The following LUZP2 variants were observed in gnomAD, a reference collection of about 807,000 sequenced individuals.
LUZP2 encodes leucine zipper protein 2.
Under a neutral mutation model 51.6 loss-of-function variants are expected in LUZP2, and 52 were observed. That is an observed-to-expected ratio of 1.01 (90% CI 0.81 to 1.27). LUZP2 has a LOEUF of 1.27. Ranked by LOEUF, LUZP2 falls within the 50% of genes most tolerant of loss-of-function variation. The pLI is 0.00. For synonymous variants in LUZP2, 154 were observed against 137.3 expected (o/e 1.12, Z -0.85); for missense variants, 436 against 395.4 (o/e 1.10, Z -0.87).
At chr11:24,955,301 T>C (rs368164650) in intron 7 of LUZP2, among the ~76,000 whole-genome samples, 3 of 151,812 alleles carry the variant, frequency 2.0e-5, no homozygotes, top group African/African-American at 7.3e-5. Context: ...TTATACTGAG[T>C]GTTAAAAATA....
At chr11:24,530,889 T>C (rs1183579297) in intron 1 of LUZP2, among the ~76,000 whole-genome samples, 1 of 149,370 alleles carries the variant, frequency 6.7e-6, no homozygotes, top group African/African-American at 2.4e-5. Context: ...TTCCATTTGG[T>C]CTTTCAATGT....
chr11:24,608,774 T>A (rs548177775), intron 1 of LUZP2, among the ~76,000 whole-genome samples: 67 of 152,298 alleles, frequency 4.4e-4, no homozygotes, highest in African/African-American at 1.5e-3. Context: ...TTAAATTTTT[T>A]AAAAAAGTAT....
At chr11:25,020,668 C>T (rs1857305444) in intron 9 of LUZP2, among the ~76,000 whole-genome samples, 1 of 151,984 alleles carries the variant, frequency 6.6e-6, no homozygotes, top group Non-Finnish European at 1.5e-5. Context: ...TTCTTTCCTG[C>T]TACTCTAGCA....
At chr11:24,854,186 C>T (rs1452026852) in intron 5 of LUZP2, among the ~76,000 whole-genome samples, 1 of 152,214 alleles carries the variant, frequency 6.6e-6, no homozygotes, top group Non-Finnish European at 1.5e-5. Flanking sequence ...AGCCAACAGG[C>T]AGGAATATTT....
intron 1 of LUZP2, among the ~76,000 whole-genome samples, chr11:24,657,221 G>C (rs564154270): frequency 6.6e-6 from 1 of 152,176 alleles, no homozygotes; most frequent in Non-Finnish European, 1.5e-5. Context: ...AGAAGTTATA[G>C]CAGTGCTTGA....
intron 3 of LUZP2, among the ~76,000 whole-genome samples, chr11:24,736,767 A>G (rs955532176): frequency 6.6e-6 from 1 of 152,016 alleles, no homozygotes; most frequent in African/African-American, 2.4e-5. Context: ...ATATGTCCAT[A>G]TATGAAGAAA....
intron 1 of LUZP2, among the ~76,000 whole-genome samples, chr11:24,717,262 T>C (rs1211070186): frequency 6.6e-6 from 1 of 152,094 alleles, no homozygotes; most frequent in Non-Finnish European, 1.5e-5. Context: ...TGCTATCAAA[T>C]AAAAACAATG....
At chr11:24,646,735 G>T (rs528589160) in intron 1 of LUZP2, 7 of 294,868 alleles carry the variant, frequency 2.4e-5, no homozygotes, top group Non-Finnish European at 3.5e-5. Context: ...TCTCCAAACT[G>T]CAAGGTAACT....
chr11:24,697,545 A>G (rs879816999), intron 1 of LUZP2, among the ~76,000 whole-genome samples: 1 of 152,252 alleles, frequency 6.6e-6, no homozygotes, highest in Middle Eastern at 3.4e-3. Context: ...CAAGATAACC[A>G]TGGAAGAAAT....
At chr11:25,075,761 T>A (rs1859282065) in intron 10 of LUZP2, among the ~76,000 whole-genome samples, 1 of 152,028 alleles carries the variant, frequency 6.6e-6, no homozygotes, top group African/African-American at 2.4e-5. Context: ...TACAGATACA[T>A]GGTTTGTGTT....
chr11:24,812,992 A>G (rs912553999), intron 5 of LUZP2, among the ~76,000 whole-genome samples: 8 of 152,176 alleles, frequency 5.3e-5, no homozygotes, highest in Admixed American at 2.0e-4. Flanking sequence ...CCATATGCAT[A>G]GGGGTCACTC....
At chr11:24,781,758 C>A (rs898344459) in intron 5 of LUZP2, among the ~76,000 whole-genome samples, 2 of 151,730 alleles carry the variant, frequency 1.3e-5, no homozygotes, top group African/African-American at 4.8e-5. Flanking sequence ...CTCTAAAAAC[C>A]ACATGATTTA....
chr11:24,644,521 A>G (rs1855407368), intron 1 of LUZP2, among the ~76,000 whole-genome samples: 1 of 150,996 alleles, frequency 6.6e-6, no homozygotes, highest in Admixed American at 6.6e-5. Context: ...ACCCAACTGT[A>G]GCTAGAATAG....
Position 24,974,761 on chromosome 11 carries a change from C to T in LUZP2, c.523-1830C>T, listed in dbSNP as rs1855837801. ...AAATTATGCTTGGAATTTTAAAGAC[C>T]TTACAATATAGATAAACTTAGCACT... On this transcript the variant is annotated intron_variant, in intron 7 of 11. Coordinates refer to ENST00000336930, the MANE Select transcript of LUZP2 (RefSeq NM_001009909.4). Among the ~76,000 whole-genome samples, 3 of 145,130 alleles carry T rather than the reference C, an allele frequency of 2.1e-5. No homozygotes were observed. The South Asian group carries it at 6.9e-4, about 33-fold the overall frequency.
In LUZP2 at chr11:24,856,179, G is replaced by T. The variant is rs1267133313; in HGVS notation, c.397-49812G>T. On this transcript the variant is annotated intron_variant, in intron 5 of 11. Coordinates refer to ENST00000336930, the MANE Select transcript of LUZP2 (RefSeq NM_001009909.4). Reference sequence around the variant, plus strand: ...AGTGACACACACCTGCAGAATGAAAGAAAATATTTGCAAACTATACATCTA... The same window carrying T: ...AGTGACACACACCTGCAGAATGAAATAAAATATTTGCAAACTATACATCTA... Among the ~76,000 whole-genome samples the T allele has an allele frequency of 3.9e-5, 6 of 151,954 alleles. No individual in the cohort carries two copies. The East Asian group carries it at 1.2e-3, about 29-fold the overall frequency.
At chr11:24,654,385 ATTT>A (rs201553997) in intron 1 of LUZP2, among the ~76,000 whole-genome samples, 15 of 151,248 alleles carry the variant, frequency 9.9e-5, no homozygotes, top group Admixed American at 6.6e-5. Context: ...TATTAAACAA[ATTT>A]TTTTTTCTTT....
Position 25,007,259 on chromosome 11 carries a change from A to G in LUZP2, c.765+23966A>G, listed in dbSNP as rs1856858401. ...CACTATTATTGTTATTGTACAAATT[A>G]TAGAAACAACTCAAACAACAAAGAA... On this transcript the variant is annotated intron_variant, in intron 9 of 11. Transcript: ENST00000336930. Among the ~76,000 whole-genome samples, 5 of 152,278 alleles carry G rather than the reference A, an allele frequency of 3.3e-5. 1 individual carries two copies. In the South Asian group the frequency reaches 1.0e-3, roughly 32 times the overall value.
At chr11:24,709,437 G>A (rs12291956) in intron 1 of LUZP2, among the ~76,000 whole-genome samples, 6,518 of 152,082 alleles carry the variant, frequency 0.043, 460 homozygotes, top group African/African-American at 0.15. Context: ...TAAAATATAT[G>A]GATTTGATAG....
At chr11:24,536,561 C>T (rs576543243) in intron 1 of LUZP2, among the ~76,000 whole-genome samples, 3 of 151,998 alleles carry the variant, frequency 2.0e-5, no homozygotes, top group South Asian at 2.1e-4. Context: ...AGCTTCAGCA[C>T]CTCTCTCAGC....
Sources: gnomAD v4.1 joint callset for allele counts (sites outside exome capture counted in the v4.1 genomes callset) on GRCh38, gnomAD v4.1.1 for gene constraint, MANE v1.5 for transcripts, NCBI Gene and HGNC (gene_info 2026-07-23, HGNC 2026-07-21) for gene names.